The following TCF3 variants were observed in gnomAD, a reference collection of about 807,000 sequenced individuals.
The protein encoded by TCF3 is transcription factor E2-alpha.
Under a neutral mutation model 72.3 loss-of-function variants are expected in TCF3, and 54 were observed. The ratio of observed to expected loss-of-function variants is 0.75; its 90% CI spans 0.60 to 0.94. The LOEUF is 0.94. Ranked by LOEUF, TCF3 falls within the 40% of genes least tolerant of loss-of-function variation. The probability of loss-of-function intolerance (pLI) is 0.00; values close to 1 mark genes in which losing one functional copy is unlikely to be tolerated. For synonymous variants in TCF3, 525 were observed against 412.6 expected (o/e 1.27, Z -3.30); for missense variants, 1,078 against 934.4 (o/e 1.15, Z -2.00).
intron 3 of TCF3, among the ~76,000 whole-genome samples, chr19:1,633,180 GC>G (rs1392794990): frequency 5.9e-5 from 9 of 152,230 alleles, no homozygotes; most frequent in African/African-American, 2.2e-4. Flanking sequence ...GGGAGGGCCT[GC>G]TTGGATCCTT....
At position 1,615,457 on chromosome 19, in the gene TCF3, G is replaced by A. The variant is rs1052747; in HGVS notation, c.1650C>T (p.Arg550=). 36 of 1,612,850 alleles carry A rather than the reference G, an allele frequency of 2.2e-5. No homozygotes were observed. The highest frequency in any genetic ancestry group is 2.8e-5 in the Non-Finnish European group (33 of 1,180,010). The change falls in exon 18 of 19, where the codon CGC becomes CGT. Residue 550 remains arginine (R), a synonymous_variant. Coordinates refer to ENST00000262965, the MANE Select transcript of TCF3 (RefSeq NM_003200.5). This position sits in a 1 kb window ranked among gnomAD's most constrained non-coding sequence, Gnocchi z 7.3. Reference sequence around the variant, plus strand: ...GCTCCCGGGCGTTATTGGCCACCCGGCGCTCCTTCTCCCGCTCGGCCTTCT... The same window carrying A: ...GCTCCCGGGCGTTATTGGCCACCCGACGCTCCTTCTCCCGCTCGGCCTTCT... The part of the protein sequence containing the change: ...PEQKAEREKE[R]RVANNARERL...
At chr19:1,619,647 G>A in intron 14 of TCF3, 133 bp downstream of exon 14, 1 of 1,259,784 alleles carries the variant, frequency 7.9e-7, no homozygotes, top group Non-Finnish European at 1.1e-6. Context: ...GTGTGCCTTG[G>A]CGGCCACGAG....
chr19:1,650,163 G>C lies in TCF3; in HGVS notation c.72+14C>G. 1 of 1,561,600 alleles carries C rather than the reference G, an allele frequency of 6.4e-7. No homozygotes were observed. The highest frequency in any genetic ancestry group is 8.7e-7 in the Non-Finnish European group (1 of 1,154,400). ...CAAAGGGGTGTCGGGGGCTGGGCGG[G>C]GGTCCTGGCTCACCATGCTGAAGTC... On this transcript the variant is annotated intron_variant, in intron 2 of 18. Transcript: ENST00000262965.
Position 1,611,716 on chromosome 19 carries a change from C to A in TCF3, c.1956G>T (p.Gly652=), listed in dbSNP as rs752215115. ...CACGGAGGCATACCTTTCACATGTG[C>A]CCGGCGGGGTTGTGGGCTTCGCTCA... is the stretch of plus-strand genomic sequence containing the variant. ...PGLSEAHNPA[G]HM is the part of the protein sequence containing the mutation. Residue 652 remains glycine, a synonymous_variant, in exon 19 of 19, where the codon GGG becomes GGT. Transcript: ENST00000262965. 6.2e-7 allele frequency: 1 copy of A among 1,613,028 alleles called. No homozygotes were observed. Among genetic ancestry groups the A allele is most frequent in the South Asian group, 1.1e-5 (1 of 90,958 alleles).
At chr19:1,650,528 G>A in intron 1 of TCF3, 2 of 410,710 alleles carry the variant, frequency 4.9e-6, no homozygotes, top group South Asian at 6.6e-5. Context: ...CTGAAAAATG[G>A]GGGGAGGGTG....
intron 3 of TCF3, among the ~76,000 whole-genome samples, chr19:1,638,794 G>C (rs2145244907): frequency 6.6e-6 from 1 of 152,346 alleles, no homozygotes; most frequent in South Asian, 2.1e-4. Context: ...CAGAGCTTCA[G>C]AAAACACACA....
chr19:1,618,991 T>TCA, intron 16 of TCF3, 120 bp downstream of exon 16: 2 of 1,509,610 alleles, frequency 1.3e-6, no homozygotes, highest in Non-Finnish European at 1.8e-6. Context: ...GGCGCCCATG[T>TCA]CACCAGGTGC....
Position 1,632,327 on chromosome 19 carries a change from C to A in TCF3, c.219+5G>T. On this transcript the variant is annotated splice_donor_5th_base_variant and intron_variant, in intron 4 of 18. Transcript: ENST00000262965. Reference sequence around the variant, plus strand: ...CAGGGTCTCAGGCCTCACGGGGACTCCTACCCGGCTGGGGTCAAAGGAGGA... The same window carrying A: ...CAGGGTCTCAGGCCTCACGGGGACTACTACCCGGCTGGGGTCAAAGGAGGA... 6.3e-7 allele frequency: 1 copy of A among 1,581,466 alleles called. No individual in the cohort carries two copies. Among genetic ancestry groups the A allele is most frequent in the East Asian group, 2.3e-5 (1 of 43,518 alleles).
intron 16 of TCF3, 148 bp downstream of exon 16, chr19:1,618,963 C>G (rs1032137022): frequency 4.5e-6 from 6 of 1,346,490 alleles, no homozygotes; most frequent in Non-Finnish European, 6.1e-6. Flanking sequence ...TACCCACCCT[C>G]CTGAAGTTGC....
rs991547678 is a variant in TCF3, at chr19:1,614,706, C to T, written c.1822+579G>A. Among the ~76,000 whole-genome samples, 1 of 152,034 alleles carries T rather than the reference C, an allele frequency of 6.6e-6. No homozygotes were observed. The highest frequency in any genetic ancestry group is 1.5e-5 in the Non-Finnish European group (1 of 67,978). On this transcript the variant is annotated intron_variant, in intron 18 of 18. Coordinates refer to ENST00000262965, the MANE Select transcript of TCF3 (RefSeq NM_003200.5). This position sits in a 1 kb window ranked among gnomAD's most constrained non-coding sequence, Gnocchi z 5.6. ...AGCGCCAGCGGGGGGAAGGAGTCAG[C>T]TCACATCTGCGGGTGGGGACAGGGT...
At chr19:1,626,378 A>T (rs1287151882) in intron 6 of TCF3, among the ~76,000 whole-genome samples, 3 of 151,990 alleles carry the variant, frequency 2.0e-5, no homozygotes, top group Non-Finnish European at 2.9e-5. Flanking sequence ...TGAACCCAGG[A>T]GACAGAGGTT....
At chr19:1,623,524 C>T (rs1029445523) in intron 8 of TCF3, among the ~76,000 whole-genome samples, 1 of 151,974 alleles carries the variant, frequency 6.6e-6, no homozygotes, top group Admixed American at 6.6e-5. Flanking sequence ...GCTGGGATTA[C>T]AGGCACGCAC....
intron 3 of TCF3, among the ~76,000 whole-genome samples, chr19:1,633,523 C>A (rs1181766178): frequency 6.6e-6 from 1 of 152,060 alleles, no homozygotes; most frequent in Non-Finnish European, 1.5e-5. Context: ...CCTTCTATTT[C>A]GGTGCCTTTG....
At chr19:1,620,000 G>T in intron 13 of TCF3, 147 bp from the exon 14 acceptor site, 3 of 706,972 alleles carry the variant, frequency 4.2e-6, no homozygotes, top group Non-Finnish European at 7.2e-6. Context: ...CCACACTGAT[G>T]CAAAGCTGCT....
Position 1,652,588 on chromosome 19 carries a change from C to A in TCF3, c.-328G>T. 6.8e-6 allele frequency: 1 copy of A among 147,730 alleles called. No individual in the cohort carries two copies. The highest frequency in any genetic ancestry group is 1.9e-4 in the South Asian group (1 of 5,190). 9.2% of individuals were successfully genotyped at this position (147,730 alleles called of 1,614,324 possible). A position where few individuals can be genotyped will look rare whatever the true frequency, so the allele number is the denominator to read the frequency against. ...ACGCCCGCAGCCGCCGCCGCTGCCTCATCTTCCTGCGGCGGGAGACATGTT... is the reference window on the plus strand; with the variant it reads ...ACGCCCGCAGCCGCCGCCGCTGCCTAATCTTCCTGCGGCGGGAGACATGTT... On this transcript the variant is annotated 5_prime_UTR_variant, in exon 1 of 19. It removes an upstream start codon present in the reference 5' UTR. Transcript: ENST00000262965.
Position 1,638,883 on chromosome 19 carries a change from A to G in TCF3, c.146-6478T>C, listed in dbSNP as rs372199975. ...CGATGGAAGGAAAAGCTGAGAACGA[A>G]GATGGACGGGTGCTTAACGTCTTTA... On this transcript the variant is annotated intron_variant, in intron 3 of 18. Coordinates refer to ENST00000262965, the MANE Select transcript of TCF3 (RefSeq NM_003200.5). 3.9e-5 allele frequency among the ~76,000 whole-genome samples: 6 copies of G among 152,184 alleles called. No homozygotes were observed. In the East Asian group the frequency reaches 7.7e-4, roughly 20 times the overall value.
chr19:1,640,576 C>G (rs745598030), intron 3 of TCF3, among the ~76,000 whole-genome samples: 1 of 148,554 alleles, frequency 6.7e-6, no homozygotes, highest in African/African-American at 2.5e-5. Flanking sequence ...CCCAGCACTT[C>G]GGGAGGCCGA....
chr19:1,632,297 A>C, intron 4 of TCF3, 35 bp downstream of exon 4: 1 of 1,564,082 alleles, frequency 6.4e-7, no homozygotes, highest in Non-Finnish European at 8.7e-7. Flanking sequence ...TGGGGACAGG[A>C]AACTCAGGGT....
In TCF3 at chr19:1,615,037, G is replaced by C. The variant is rs560123066; in HGVS notation, c.1822+248C>G. On this transcript the variant is annotated intron_variant, in intron 18 of 18. Transcript: ENST00000262965. The surrounding 1 kb of genome is among the most constrained non-coding windows in gnomAD (Gnocchi z 7.3). ...CAGAGCCCAGGCCTGAAGGACTAGG[G>C]GTCCAGAAAGAGTCCAGTCCTCCCA... is the stretch of plus-strand genomic sequence containing the variant. 1.3e-5 allele frequency among the ~76,000 whole-genome samples: 2 copies of C among 152,270 alleles called. No homozygotes were observed. Among genetic ancestry groups the C allele is most frequent in the African/African-American group, 4.8e-5 (2 of 41,550 alleles).
Sources: gnomAD v4.1 joint callset for allele counts (sites outside exome capture counted in the v4.1 genomes callset) on GRCh38, gnomAD v4.1.1 for gene constraint, Gnocchi (gnomAD v3.1) non-coding constraint, MANE v1.5 for transcripts, NCBI Gene and HGNC (gene_info 2026-07-23, HGNC 2026-07-21) for gene names.